The following RPS2 variants were observed in gnomAD, a reference collection of about 807,000 sequenced individuals.
RPS2 encodes small ribosomal subunit protein uS5.
RPS2 carries 8 observed loss-of-function variants against 25.3 expected under a neutral mutation model. The ratio of observed to expected loss-of-function variants is 0.32; its 90% confidence interval spans 0.19 to 0.57. The LOEUF (loss-of-function observed/expected upper bound fraction) is 0.57. RPS2 is among the 20% of genes least tolerant of loss of function. The pLI, the probability that RPS2 is intolerant of heterozygous loss-of-function variation, is 0.90. For missense variants in RPS2, 229 were observed against 408.1 expected, an observed-to-expected ratio of 0.56 and a Z score of 3.78; for synonymous variants, 181 against 161.3, an observed-to-expected ratio of 1.12 and a Z score of -0.92.
In RPS2 at chr16:1,964,527, G is replaced by A. The variant is rs17135712; in HGVS notation, c.99C>T (p.Ile33=). ...GGFRGGFGSG[I]RGRGRGRGRG... ...GTCCACGGCCGCGACCCCGGCCCCG[G>A]ATGCCACTGCCGAAACCTCCGCGGA... Residue 33 remains isoleucine (I), a synonymous_variant, in exon 2 of 7, where the codon ATC becomes ATT. Transcript: ENST00000343262. 203,906 of 1,593,324 alleles carry A rather than the reference G, an allele frequency of 0.13. 15,173 individuals are homozygous for A. Among genetic ancestry groups the A allele is most frequent in the South Asian group, 0.26 (23,094 of 89,846 alleles).
intron 1 of RPS2, 72 bp downstream of exon 1, chr16:1,964,735 T>C (rs1181792620): frequency 3.2e-6 from 2 of 626,538 alleles, no homozygotes; most frequent in Admixed American, 3.6e-5. Flanking sequence ...CTCGGGAGCC[T>C]AGACCCGACC....
intron 3 of RPS2, chr16:1,963,703 G>A: frequency 4.7e-6 from 2 of 421,906 alleles, no homozygotes; most frequent in Middle Eastern, 1.0e-3. Flanking sequence ...AAGCTTGTAT[G>A]TAAGGTTACC....
In RPS2 at chr16:1,964,445, C is replaced by T; in HGVS notation, c.177+4G>A. On this transcript the variant is annotated splice_donor_region_variant and intron_variant, in intron 2 of 6. Transcript: ENST00000343262. ...GCCCGACCCCGAGCGTGGCTGATACCTACCTCCTTATCCTCGGCCTTGCCT... is the reference window on the plus strand; with the variant it reads ...GCCCGACCCCGAGCGTGGCTGATACTTACCTCCTTATCCTCGGCCTTGCCT... 6.2e-7 allele frequency: 1 copy of T among 1,612,074 alleles called. No individual in the cohort carries two copies. The highest frequency in any genetic ancestry group is 8.5e-7 in the Non-Finnish European group (1 of 1,179,752).
intron 3 of RPS2, chr16:1,963,878 T>C (rs1460017267): frequency 2.3e-6 from 1 of 427,858 alleles, no homozygotes; most frequent in East Asian, 6.9e-5. Flanking sequence ...GCCATTAGCC[T>C]TTCCCCACTG....
At position 1,962,301 on chromosome 16, in the gene RPS2, G is replaced by C. The variant is rs958821724; in HGVS notation, c.710-31C>G. 5 of 1,603,748 alleles carry C rather than the reference G, an allele frequency of 3.1e-6. No homozygotes were observed. The African/African-American group carries it at 5.4e-5, about 17-fold the overall frequency. ...AAACAAAAGAACCCCAGGAGGGTCA[G>C]TGGTGTGCTTGAGGCAAGTCCCCCA... On this transcript the variant is annotated intron_variant, in intron 6 of 6. Coordinates refer to ENST00000343262, the MANE Select transcript of RPS2 (RefSeq NM_002952.4).
At chr16:1,963,036 C>T (rs1235934963) in intron 4 of RPS2, 113 bp downstream of exon 4, 6 of 1,363,544 alleles carry the variant, frequency 4.4e-6, no homozygotes, top group Non-Finnish European at 3.1e-6. Context: ...CTGAGGAGAT[C>T]TTTTCTCTCT....
intron 1 of RPS2, 71 bp from the exon 2 acceptor site, chr16:1,964,699 C>A: frequency 1.2e-6 from 1 of 853,786 alleles, no homozygotes; most frequent in Non-Finnish European, 1.8e-6. Flanking sequence ...GAGACCCAGA[C>A]AAGGGCTCCC....
At chr16:1,962,309 C>T (rs757125257) in intron 6 of RPS2, 39 bp from the exon 7 acceptor site, 1 of 1,592,442 alleles carries the variant, frequency 6.3e-7, no homozygotes. Flanking sequence ...CAGTGGTGTG[C>T]TTGAGGCAAG....
rs1431831987 is a variant in RPS2 at position 1,964,439 on chromosome 16, T to C, written c.177+10A>G. 1.9e-6 allele frequency: 3 copies of C among 1,609,846 alleles called. No individual in the cohort carries two copies. The highest frequency in any genetic ancestry group is 1.4e-5 in the African/African-American group (1 of 72,928). ...CCAGGGGCCCGACCCCGAGCGTGGCTGATACCTACCTCCTTATCCTCGGCC... is the reference window on the plus strand; with the variant it reads ...CCAGGGGCCCGACCCCGAGCGTGGCCGATACCTACCTCCTTATCCTCGGCC... On this transcript the variant is annotated intron_variant, in intron 2 of 6. Coordinates refer to ENST00000343262, the MANE Select transcript of RPS2 (RefSeq NM_002952.4).
intron 4 of RPS2, 42 bp from the exon 5 acceptor site, chr16:1,962,951 C>A: frequency 6.3e-7 from 1 of 1,590,860 alleles, no homozygotes; most frequent in Non-Finnish European, 8.5e-7. Context: ...GCCCTACACC[C>A]AATCACTGCC....
chr16:1,964,740 C>A (rs779640050), intron 1 of RPS2, 67 bp downstream of exon 1: 6 of 604,002 alleles, frequency 9.9e-6, no homozygotes, highest in African/African-American at 2.0e-5. Flanking sequence ...GAGCCTAGAC[C>A]CGACCCGATG....
chr16:1,962,951 C>G (rs372795573), intron 4 of RPS2, 42 bp from the exon 5 acceptor site: 32 of 1,590,744 alleles, frequency 2.0e-5, no homozygotes, highest in Non-Finnish European at 2.6e-5. Context: ...GCCCTACACC[C>G]AATCACTGCC....
At position 1,963,066 on chromosome 16, in the gene RPS2, CACGGGTGAAGCCAAGTGCA is replaced by C. The variant is rs1291394601; in HGVS notation, c.375+64_375+82del. 6.5e-6 allele frequency: 9 copies of C among 1,390,292 alleles called. No individual in the cohort carries two copies. In the Admixed American group the frequency reaches 1.3e-4, roughly 21 times the overall value. The allele number at this position is 1,390,292 out of a possible 1,614,324, so 86.1% of individuals were successfully genotyped here. A position where few individuals can be genotyped will look rare whatever the true frequency, so the allele number is the denominator to read the frequency against. Reference sequence around the variant, plus strand: ...CTCTCTCTCCCCGTTACGAAAGTCACACGGGTGAAGCCAAGTGCAACTATGCAGAGCCGAGAGAGTCCCG... The same window carrying C: ...CTCTCTCTCCCCGTTACGAAAGTCACACTATGCAGAGCCGAGAGAGTCCCG... On this transcript the variant is annotated intron_variant, in intron 4 of 6. Transcript: ENST00000343262.
At chr16:1,963,011 G>C (rs375014963) in intron 4 of RPS2, 102 bp from the exon 5 acceptor site, 1 of 1,431,154 alleles carries the variant, frequency 7.0e-7, no homozygotes, top group African/African-American at 1.4e-5. Flanking sequence ...GCCACAGTAA[G>C]GCCCATCCGA....
chr16:1,964,053 G>A (rs1473809444), intron 3 of RPS2: 4 of 573,744 alleles, frequency 7.0e-6, no homozygotes, highest in East Asian at 5.8e-5. Flanking sequence ...CTGCGAATGT[G>A]GGAAGATGCG....
intron 3 of RPS2, 57 bp from the exon 4 acceptor site, chr16:1,963,313 T>A (rs758336): frequency 8.6e-7 from 1 of 1,167,108 alleles, no homozygotes; most frequent in Non-Finnish European, 1.2e-6. Flanking sequence ...AATACCATTA[T>A]GATATTCAAG....
rs760585474 is a variant in RPS2 at position 1,962,420 on chromosome 16, C to T, written c.709+77G>A. On this transcript the variant is annotated intron_variant, in intron 6 of 6. Transcript: ENST00000343262. Reference sequence around the variant, plus strand: ...GCCTTTCTCTGCCTCCCTGAAAACACGCCAAGCACACACTGGACCCGTGTG... The same window carrying T: ...GCCTTTCTCTGCCTCCCTGAAAACATGCCAAGCACACACTGGACCCGTGTG... 3.9e-5 allele frequency: 57 copies of T among 1,459,778 alleles called. No homozygotes were observed. In the East Asian group the frequency reaches 8.4e-4, roughly 21 times the overall value. 90.4% of individuals were successfully genotyped at this position (1,459,778 alleles called of 1,614,324 possible).
Position 1,964,798 on chromosome 16 carries a change from A to T in RPS2, c.-4+9T>A. The T allele has an allele frequency of 1.8e-6, 1 of 543,260 alleles. No individual in the cohort carries two copies. Among genetic ancestry groups the T allele is most frequent in the Non-Finnish European group, 3.2e-6 (1 of 312,714 alleles). The allele number at this position is 543,260 out of a possible 1,614,324, so 33.7% of individuals were successfully genotyped here. ...GCAGAGGCCCGCTGCAGCGACCAAC[A>T]GGACTCACGTGTTTTGTCGGAAAAG... is the stretch of plus-strand genomic sequence containing the variant. On this transcript the variant is annotated intron_variant, in intron 1 of 6. Coordinates refer to ENST00000343262, the MANE Select transcript of RPS2 (RefSeq NM_002952.4).
intron 6 of RPS2, 75 bp from the exon 7 acceptor site, chr16:1,962,345 T>C: frequency 1.4e-6 from 2 of 1,447,846 alleles, no homozygotes; most frequent in Non-Finnish European, 1.9e-6. Context: ...ATTGTCGCAC[T>C]CCTAGGAACA....
Sources: allele counts gnomAD v4.1 joint callset, GRCh38; gene constraint gnomAD v4.1.1; transcripts MANE v1.5; gene names NCBI Gene and HGNC (gene_info 2026-07-23, HGNC 2026-07-21).